INTS8: variants seen among roughly 807,000 people sequenced by gnomAD.
INTS8 encodes integrator complex subunit 8, also known as protein kaonashi-1.
A neutral mutation model predicts 138.9 loss-of-function variants in INTS8; 47 were observed. The ratio of observed to expected loss-of-function variants is 0.34; its 90% confidence interval spans 0.27 to 0.43. The LOEUF is 0.43. Among genes scored for constraint, INTS8 ranks in the 20% least tolerant of loss-of-function variants. The pLI is 1.00. For missense variants in INTS8, 996 were observed against 1,173.0 expected, an observed-to-expected ratio of 0.85 and a Z score of 2.20; for synonymous variants, 392 against 400.9, an observed-to-expected ratio of 0.98 and a Z score of 0.27.
At chr8:94,845,558 G>A (rs964609903) in intron 10 of INTS8, among the ~76,000 whole-genome samples, 1 of 152,164 alleles carries the variant, frequency 6.6e-6, no homozygotes, top group Non-Finnish European at 1.5e-5. Context: ...CGCCTCCCGC[G>A]TTCAAGTGAC....
At chr8:94,837,334 A>G (rs969738886) in intron 7 of INTS8, among the ~76,000 whole-genome samples, 5 of 152,104 alleles carry the variant, frequency 3.3e-5, no homozygotes, top group African/African-American at 1.2e-4. Flanking sequence ...TAAACCTAGT[A>G]TATCTATAAC....
intron 15 of INTS8, 37 bp downstream of exon 15, chr8:94,857,015 A>G (rs1055167339): frequency 2.8e-6 from 4 of 1,446,424 alleles, no homozygotes; most frequent in Non-Finnish European, 3.9e-6. Context: ...TCAGAAACTC[A>G]GTACTCACAT....
rs1234842980 is a variant in INTS8 at position 94,827,735 on chromosome 8, A to G, written c.460A>G (p.Ile154Val). The change falls in exon 4 of 27, where the codon ATT (isoleucine) becomes GTT (valine). Residue 154 changes from isoleucine to valine, a missense_variant. By Grantham distance (29) the Ile-to-Val change is conservative. Transcript: ENST00000523731. ...LLYNRWAIRT[I>V]VQSSFPVKQA... ...TCTTTTCTTCAGGGCAATTAGGACA[A>G]TTGTTCAAAGTAGTTTTCCAGTCAA... 3.1e-6 allele frequency: 5 copies of G among 1,613,902 alleles called. No homozygotes were observed. The South Asian group carries it at 3.3e-5, about 11-fold the overall frequency.
chr8:94,833,926 C>G (rs920544140), intron 6 of INTS8, among the ~76,000 whole-genome samples: 16 of 152,124 alleles, frequency 1.1e-4, no homozygotes, highest in African/African-American at 3.6e-4. Context: ...CATGCACCAC[C>G]TCGCCTGGCT....
chr8:94,858,895 A>G (rs988158780), intron 15 of INTS8, among the ~76,000 whole-genome samples: 13 of 152,348 alleles, frequency 8.5e-5, no homozygotes, highest in Non-Finnish European at 1.2e-4. Context: ...ATAGCTCTGC[A>G]TATAATTTTT....
intron 6 of INTS8, among the ~76,000 whole-genome samples, chr8:94,832,414 G>GT (rs1461312812): frequency 6.6e-6 from 1 of 152,190 alleles, no homozygotes; most frequent in Non-Finnish European, 1.5e-5. Context: ...AGGAGACAGA[G>GT]TTTAAGTACT....
At chr8:94,869,383 A>G (rs914708829) in intron 20 of INTS8, among the ~76,000 whole-genome samples, 3 of 152,116 alleles carry the variant, frequency 2.0e-5, no homozygotes, top group East Asian at 1.9e-4. Flanking sequence ...CTGGAGTGCA[A>G]TGGTACGATC....
At chr8:94,855,983 T>A (rs1815732137) in intron 14 of INTS8, among the ~76,000 whole-genome samples, 1 of 152,160 alleles carries the variant, frequency 6.6e-6, no homozygotes, top group Non-Finnish European at 1.5e-5. Flanking sequence ...AGTTACAGAT[T>A]TGGGAATTAC....
chr8:94,879,330 C>T (rs576142966), intron 26 of INTS8, among the ~76,000 whole-genome samples: 1 of 152,288 alleles, frequency 6.6e-6, no homozygotes, highest in African/African-American at 2.4e-5. Flanking sequence ...TGCAGTGGCT[C>T]ACGCCTGTAA....
intron 6 of INTS8, 41 bp from the exon 7 acceptor site, chr8:94,836,483 T>G: frequency 5.8e-5 from 87 of 1,494,608 alleles, no homozygotes; most frequent in Non-Finnish European, 6.8e-5. Context: ...CTTAAGTACC[T>G]GAGAAATTGT....
chr8:94,835,057 T>C (rs1814874668), intron 6 of INTS8, among the ~76,000 whole-genome samples: 1 of 152,226 alleles, frequency 6.6e-6, no homozygotes, highest in Non-Finnish European at 1.5e-5. Context: ...GGCCACATTC[T>C]GAGATCCTTA....
chr8:94,877,164 AT>A (rs1816592151), intron 26 of INTS8, among the ~76,000 whole-genome samples: 2 of 152,204 alleles, frequency 1.3e-5, no homozygotes, highest in African/African-American at 4.8e-5. Context: ...AGAATCACTG[AT>A]TAGATGAACT....
intron 23 of INTS8, 120 bp from the exon 24 acceptor site, chr8:94,875,954 T>A: frequency 1.4e-6 from 1 of 718,872 alleles, no homozygotes; most frequent in Non-Finnish European, 2.5e-6. Context: ...TTGGATGGAA[T>A]CCATAACTAT....
Position 94,850,036 on chromosome 8 carries a change from A to AT in INTS8, c.1453dup (p.Ser485PhefsTer3). ...TACTTGTTGATCAGATGAGGAAGAG[A>AT]TCCCCTAGAGTAAATCTGTGCATTA... On this transcript the variant is annotated frameshift_variant, in exon 12 of 27. Transcript: ENST00000523731. LOFTEE classifies it high-confidence loss of function. 1 of 1,613,354 alleles carries AT rather than the reference A, an allele frequency of 6.2e-7. No individual in the cohort carries two copies. The highest frequency in any genetic ancestry group is 8.5e-7 in the Non-Finnish European group (1 of 1,179,530).
At chr8:94,826,376 G>A (rs1814503758) in intron 2 of INTS8, among the ~76,000 whole-genome samples, 1 of 152,162 alleles carries the variant, frequency 6.6e-6, no homozygotes, top group Admixed American at 6.5e-5. Context: ...CCGCCTCCTG[G>A]GTTGACGCCA....
Position 94,838,613 on chromosome 8 carries a change from T to C in INTS8, c.1012T>C (p.Tyr338His). The change falls in exon 8 of 27, where the codon TAT becomes CAT. Residue 338 changes from tyrosine (Y) to histidine (H), a missense_variant. Physicochemically the swap from Tyr to His is moderately conservative, Grantham distance 83 (BLOSUM62 2). Coordinates refer to ENST00000523731, the MANE Select transcript of INTS8 (RefSeq NM_017864.4). ...CCATATTTGTTTGAGATCTGGCAAC[T>C]ATCAGGTAAGGTGTATGAGGGGGAT... is the stretch of plus-strand genomic sequence containing the variant. ...QVHICLRSGNYQEVIQIFIED... is the reference protein window; with the variant it reads ...QVHICLRSGNHQEVIQIFIED... 6.2e-7 allele frequency: 1 copy of C among 1,612,630 alleles called. No homozygotes were observed. Among genetic ancestry groups the C allele is most frequent in the Non-Finnish European group, 8.5e-7 (1 of 1,178,828 alleles).
chr8:94,881,429 GTTTC>G lies in INTS8; in HGVS notation c.*1199_*1202del. 1 of 557,562 alleles carries G rather than the reference GTTTC, an allele frequency of 1.8e-6. No individual in the cohort carries two copies. The highest frequency in any genetic ancestry group is 3.1e-6 in the Non-Finnish European group (1 of 321,870). The allele number at this position is 557,562 out of a possible 1,614,324, so 34.5% of individuals were successfully genotyped here. On this transcript the variant is annotated 3_prime_UTR_variant, in exon 27 of 27. Coordinates refer to ENST00000523731, the MANE Select transcript of INTS8 (RefSeq NM_017864.4). ...GACATCTTTGTAAACAAGTCCTGCTGTTTCTTTAACAGCTAACATAGGAAATAAT... is the reference window on the plus strand; with the variant it reads ...GACATCTTTGTAAACAAGTCCTGCTGTTTAACAGCTAACATAGGAAATAAT...
chr8:94,843,933 C>T (rs543154237), intron 10 of INTS8, among the ~76,000 whole-genome samples: 66 of 151,578 alleles, frequency 4.4e-4, no homozygotes, highest in African/African-American at 1.5e-3. Context: ...TTCATTTCTA[C>T]AACTCTTCAT....
chr8:94,847,102 G>A (rs551174966), intron 10 of INTS8, among the ~76,000 whole-genome samples: 8 of 152,086 alleles, frequency 5.3e-5, no homozygotes, highest in African/African-American at 1.9e-4. Flanking sequence ...GTGCAGTGGC[G>A]CAATCTTGAC....
Sources: allele counts gnomAD v4.1 joint callset (sites outside exome capture counted in the v4.1 genomes callset), GRCh38; gene constraint gnomAD v4.1.1; transcripts MANE v1.5; gene names NCBI Gene and HGNC (gene_info 2026-07-23, HGNC 2026-07-21).